Variants in STK17B observed in about 807,000 individuals in gnomAD.
STK17B encodes serine/threonine kinase 17b.
In STK17B, 21 loss-of-function variants were observed where a neutral mutation model predicts 42.0. The ratio of observed to expected loss-of-function variants is 0.50; its 90% CI spans 0.35 to 0.72. The LOEUF is 0.72. Ranked by LOEUF, STK17B falls within the 30% of genes least tolerant of loss-of-function variation. STK17B has a pLI of 0.00. For missense variants in STK17B, 349 were observed against 446.0 expected, an observed-to-expected ratio of 0.78 and a Z score of 1.96; for synonymous variants, 143 against 148.4, an observed-to-expected ratio of 0.96 and a Z score of 0.26.
At chr2:196,165,287 G>A (rs1169737857) in intron 1 of STK17B, among the ~76,000 whole-genome samples, 3 of 152,144 alleles carry the variant, frequency 2.0e-5, no homozygotes, top group Non-Finnish European at 2.9e-5. Context: ...AACCAACCCC[G>A]CAGACACCCT....
chr2:196,159,938 G>A (rs1022266315), intron 2 of STK17B, among the ~76,000 whole-genome samples: 7 of 152,038 alleles, frequency 4.6e-5, no homozygotes, highest in African/African-American at 9.7e-5. Context: ...ATATGTGTGC[G>A]TGTGTATTCA....
intron 3 of STK17B, chr2:196,154,973 T>A (rs924174835): frequency 6.6e-6 from 1 of 152,236 alleles, no homozygotes; most frequent in African/African-American, 2.4e-5. Flanking sequence ...GGTACCTGAG[T>A]CAATTTTCCG....
At chr2:196,141,211 T>C in intron 6 of STK17B, 38 bp downstream of exon 6, 1 of 1,537,330 alleles carries the variant, frequency 6.5e-7, no homozygotes, top group East Asian at 2.3e-5. Flanking sequence ...TTTCCCAACT[T>C]TCCATAAAGA....
intron 1 of STK17B, among the ~76,000 whole-genome samples, chr2:196,169,232 T>C (rs1170921210): frequency 1.3e-5 from 2 of 151,800 alleles, no homozygotes; most frequent in Non-Finnish European, 2.9e-5. Context: ...CGCGCCACAA[T>C]GCCCGGCTAA....
chr2:196,139,941 AT>A, intron 6 of STK17B, 142 bp from the exon 7 acceptor site: 1 of 526,586 alleles, frequency 1.9e-6, no homozygotes, highest in South Asian at 7.6e-5. Flanking sequence ...AAGTTCCTAT[AT>A]TATTAAAACT....
At position 196,137,297 on chromosome 2, in the gene STK17B, G is replaced by C. The variant is rs1055172213; in HGVS notation, c.*150C>G. The C allele has an allele frequency of 8.2e-5, 64 of 777,120 alleles. No homozygotes were observed. Among genetic ancestry groups the C allele is most frequent in the Middle Eastern group, 3.7e-4 (1 of 2,696 alleles). 48.1% of individuals were successfully genotyped at this position (777,120 alleles called of 1,614,324 possible). On this transcript the variant is annotated 3_prime_UTR_variant, in exon 8 of 8. Transcript: ENST00000263955. ...TGAAATCATAACATGCTAGCAACTA[G>C]TAATTTAACATTAAAACACTTCCCT...
At chr2:196,163,789 GCA>G (rs1699843004) in intron 1 of STK17B, among the ~76,000 whole-genome samples, 1 of 152,102 alleles carries the variant, frequency 6.6e-6, no homozygotes, top group Non-Finnish European at 1.5e-5. Context: ...TATAATCCCA[GCA>G]CTTTGGGAGG....
At chr2:196,139,264 G>A (rs925270110) in intron 7 of STK17B, among the ~76,000 whole-genome samples, 5 of 152,062 alleles carry the variant, frequency 3.3e-5, no homozygotes, top group African/African-American at 9.7e-5. Context: ...GCGCCCGGCC[G>A]TAAAATCATT....
At chr2:196,163,519 AC>A in intron 1 of STK17B, 92 bp from the exon 2 acceptor site, 1 of 1,008,804 alleles carries the variant, frequency 9.9e-7, no homozygotes, top group Non-Finnish European at 1.3e-6. Flanking sequence ...ATAAAATACA[AC>A]TAAAAAAAAA....
intron 2 of STK17B, among the ~76,000 whole-genome samples, chr2:196,160,815 C>G (rs1377386325): frequency 1.3e-5 from 2 of 152,126 alleles, no homozygotes; most frequent in Non-Finnish European, 2.9e-5. Flanking sequence ...TAATCAAATT[C>G]TATCATGAGT....
rs769540846 is a variant in STK17B at position 196,143,603 on chromosome 2, A to G, written c.564T>C (p.His188=). The G allele has an allele frequency of 1.9e-6, 3 of 1,610,004 alleles. No homozygotes were observed. Among genetic ancestry groups the G allele is most frequent in the Non-Finnish European group, 2.5e-6 (3 of 1,178,258 alleles). Residue 188 remains histidine, a synonymous_variant, in exon 5 of 8, where the codon CAT becomes CAC. Transcript: ENST00000263955. ...VDFGMSRKIG[H]ACELREIMGT... is the part of the protein sequence containing the mutation. Reference sequence around the variant, plus strand: ...CCATGATTTCCCGAAGTTCACACGCATGCCCTATTTTTCGAGACATTCCAA... The same window carrying G: ...CCATGATTTCCCGAAGTTCACACGCGTGCCCTATTTTTCGAGACATTCCAA...
chr2:196,165,179 T>C (rs1031131103), intron 1 of STK17B, among the ~76,000 whole-genome samples: 1 of 152,048 alleles, frequency 6.6e-6, no homozygotes, highest in Non-Finnish European at 1.5e-5. Flanking sequence ...GTCATTAAAG[T>C]GGGCCAATTA....
At chr2:196,143,803 T>C (rs1250399774) in intron 4 of STK17B, 117 bp from the exon 5 acceptor site, 9 of 983,134 alleles carry the variant, frequency 9.2e-6, no homozygotes, top group South Asian at 3.5e-5. Context: ...CATTGAGTCA[T>C]GCATCAAACA....
At chr2:196,153,254 C>CAAAAAAAAAA (rs1699691091) in intron 3 of STK17B, 2 of 19,206 alleles carry the variant, frequency 1.0e-4, no homozygotes, top group Non-Finnish European at 1.9e-4. Flanking sequence ...AAAACAATGT[C>CAAAAAAAAAA]CAAAAAAAAA....
At chr2:196,157,814 G>T (rs765118452) in intron 2 of STK17B, among the ~76,000 whole-genome samples, 1 of 152,026 alleles carries the variant, frequency 6.6e-6, no homozygotes, top group Non-Finnish European at 1.5e-5. Context: ...AGTCTACAGC[G>T]GCCAAAAATT....
rs1291463374 is a variant in STK17B at position 196,139,921 on chromosome 2, T to C, written c.657-122A>G. ...GGTACGGTTAAACTACAGATTTACATTGCTTTTCAAAGTTCCTATATTATT... is the reference window on the plus strand; with the variant it reads ...GGTACGGTTAAACTACAGATTTACACTGCTTTTCAAAGTTCCTATATTATT... On this transcript the variant is annotated intron_variant, in intron 6 of 7. Coordinates refer to ENST00000263955, the MANE Select transcript of STK17B (RefSeq NM_004226.4). 12 of 647,652 alleles carry C rather than the reference T, an allele frequency of 1.9e-5. No individual in the cohort carries two copies. The East Asian group carries it at 4.0e-4, about 22-fold the overall frequency. The allele number at this position is 647,652 out of a possible 1,614,324, so 40.1% of individuals were successfully genotyped here. A position where few individuals can be genotyped will look rare whatever the true frequency, so the allele number is the denominator to read the frequency against.
chr2:196,137,191 T>C lies in STK17B; in HGVS notation c.*256A>G, dbSNP rs1245335450. The stretch of plus-strand genomic sequence containing the variant: ...TTCATTTGAAGTTGAATTATTTCAT[T>C]AACATGTAAACTCACATGTACAATT... On this transcript the variant is annotated 3_prime_UTR_variant, in exon 8 of 8. Coordinates refer to ENST00000263955, the MANE Select transcript of STK17B (RefSeq NM_004226.4). 1 of 390,886 alleles carries C rather than the reference T, an allele frequency of 2.6e-6. No homozygotes were observed. Among genetic ancestry groups the C allele is most frequent in the Non-Finnish European group, 4.5e-6 (1 of 220,218 alleles). 24.2% of individuals were successfully genotyped at this position (390,886 alleles called of 1,614,324 possible).
Position 196,163,344 on chromosome 2 carries a change from G to A in STK17B, c.40C>T (p.Leu14=). The change falls in exon 2 of 8, where the codon CTA becomes TTA. Residue 14 remains leucine (L), a synonymous_variant. Transcript: ENST00000263955. The part of the protein sequence containing the change: ...RRFDCRSISG[L]LTTTPQIPIK... ...GGAATTTGAGGAGTTGTAGTTAGTAGGCCTGAAATACTTCGGCAATCAAAT... is the reference window on the plus strand; with the variant it reads ...GGAATTTGAGGAGTTGTAGTTAGTAAGCCTGAAATACTTCGGCAATCAAAT... 4 of 1,601,846 alleles carry A rather than the reference G, an allele frequency of 2.5e-6. No homozygotes were observed. The highest frequency in any genetic ancestry group is 3.4e-6 in the Non-Finnish European group (4 of 1,176,896).
At chr2:196,165,999 C>A (rs774585340) in intron 1 of STK17B, 1 of 152,176 alleles carries the variant, frequency 6.6e-6, no homozygotes, top group South Asian at 2.1e-4. Flanking sequence ...GTTCTGATAG[C>A]GCTCAGTTTC....
Sources: gnomAD v4.1 joint callset for allele counts (sites outside exome capture counted in the v4.1 genomes callset) on GRCh38, gnomAD v4.1.1 for gene constraint, MANE v1.5 for transcripts, NCBI Gene and HGNC (gene_info 2026-07-23, HGNC 2026-07-21) for gene names.